The following AMOT variants were observed in gnomAD, a reference collection of about 807,000 sequenced individuals.
The protein encoded by AMOT is angiomotin.
Under a neutral mutation model 67.0 loss-of-function variants are expected in AMOT, and 11 were observed. The observed-to-expected ratio is 0.16, with a 90% CI of 0.10 to 0.27. The LOEUF (loss-of-function observed/expected upper bound fraction) is 0.27, where lower values mean the gene tolerates loss of function less well. Among genes scored for constraint, AMOT ranks in the 10% least tolerant of loss-of-function variants. The probability of loss-of-function intolerance (pLI) is 1.00; values close to 1 mark genes in which losing one functional copy is unlikely to be tolerated. For missense variants in AMOT, 753 were observed against 852.0 expected (o/e 0.88, Z 1.45); for synonymous variants, 326 against 321.4 (o/e 1.01, Z -0.15).
At chrX:112,796,189 G>A (rs1933809078) in intron 8 of AMOT, among the ~76,000 whole-genome samples, 1 of 111,861 alleles carries the variant, frequency 8.9e-6, no homozygotes, top group African/African-American at 3.3e-5. Context: ...ATTCTGTACT[G>A]TCACATTCTT....
In AMOT at chrX:112,815,480, G is replaced by A; in HGVS notation, c.1270C>T (p.Pro424Ser). 8.3e-7 allele frequency: 1 copy of A among 1,211,593 alleles called. No individual in the cohort carries two copies. Among genetic ancestry groups the A allele is most frequent in the Non-Finnish European group, 1.1e-6 (1 of 895,550 alleles). Residue 424 changes from proline to serine, a missense_variant, in exon 5 of 14, where the codon CCA (proline) becomes TCA (serine). This residue lies in a region of AMOT where 297 missense variants were observed against 284.3 expected (regional missense o/e 1.04). Coordinates refer to ENST00000371959, the MANE Select transcript of AMOT (RefSeq NM_001113490.2). Reference protein sequence around the residue: ...QPSSASYQPVPADPFAIVSRA... With the variant: ...QPSSASYQPVSADPFAIVSRA... ...GAAACAATGGCAAAAGGGTCTGCTG[G>A]CACTGGCTGATAAGAAGCAGAGGAT...
rs1933139392 is a variant in AMOT, at chrX:112,780,955, A to G, written c.2404T>C (p.Ser802Pro). 2 of 1,211,783 alleles carry G rather than the reference A, an allele frequency of 1.7e-6. No individual in the cohort carries two copies. Among genetic ancestry groups the G allele is most frequent in the Admixed American group, 2.2e-5 (1 of 46,050 alleles). ...SNAGSGLLSHSSTLTGSPIME... is the reference protein window; with the variant it reads ...SNAGSGLLSHPSTLTGSPIME... ...ATGGGGGAGCCAGTCAGGGTGGATGAGTGGGAGAGCAAGCCTGATCCAGCA... is the reference window on the plus strand; with the variant it reads ...ATGGGGGAGCCAGTCAGGGTGGATGGGTGGGAGAGCAAGCCTGATCCAGCA... The change falls in exon 12 of 14, where the codon TCA (serine) becomes CCA (proline). Residue 802 changes from serine to proline, a missense_variant. Coordinates refer to ENST00000371959, the MANE Select transcript of AMOT (RefSeq NM_001113490.2).
chrX:112,812,538 C>G (rs1934403525), intron 5 of AMOT, among the ~76,000 whole-genome samples: 1 of 111,861 alleles, frequency 8.9e-6, no homozygotes, highest in Non-Finnish European at 1.9e-5. Flanking sequence ...CAGCCACAAT[C>G]AGGCCGAAAA....
chrX:112,816,128 CCAGA>C (rs1436539365), intron 4 of AMOT, among the ~76,000 whole-genome samples: 1 of 111,760 alleles, frequency 8.9e-6, no homozygotes, highest in Non-Finnish European at 1.9e-5. Context: ...AGGGTCAGAA[CCAGA>C]CAACTTCCAT....
At chrX:112,804,914 C>T in intron 8 of AMOT, 33 bp downstream of exon 8, 5 of 1,189,497 alleles carry the variant, frequency 4.2e-6, no homozygotes, top group Non-Finnish European at 5.7e-6. Context: ...CCCTCCCACC[C>T]CCAGGCTCAT....
chrX:112,828,421 C>T (rs1395527371), intron 2 of AMOT, among the ~76,000 whole-genome samples: 3 of 104,134 alleles, frequency 2.9e-5, no homozygotes, highest in Non-Finnish European at 5.9e-5. Context: ...GGAATTAATC[C>T]ATGTAAAGTG....
At chrX:112,806,075 G>A (rs772025824) in intron 7 of AMOT, among the ~76,000 whole-genome samples, 1 of 109,799 alleles carries the variant, frequency 9.1e-6, no homozygotes, top group South Asian at 4.0e-4. Flanking sequence ...AGACCATCCT[G>A]GCCAACATGG....
intron 12 of AMOT, 115 bp from the exon 13 acceptor site, chrX:112,779,795 TAAATATTATTTAAATATTTA>T (rs1933078263): frequency 3.4e-6 from 1 of 295,851 alleles, no homozygotes; most frequent in East Asian, 5.7e-5. Flanking sequence ...TTTAAATAAG[TAAATATTATTTAAATATTTA>T]AAATATTATT....
chrX:112,830,487 G>A (rs1241034603), intron 2 of AMOT, among the ~76,000 whole-genome samples: 1 of 112,429 alleles, frequency 8.9e-6, no homozygotes, highest in African/African-American at 3.2e-5. Context: ...AATCCCAGAA[G>A]TGAAACTGAT....
intron 10 of AMOT, among the ~76,000 whole-genome samples, chrX:112,787,888 A>C (rs151025940): frequency 0.023 from 2,549 of 111,983 alleles, 72 homozygotes; most frequent in African/African-American, 0.078. Flanking sequence ...TTGCTTTCAC[A>C]TCTTCCTTTC....
At chrX:112,788,624 T>G (rs1187760802) in intron 10 of AMOT, among the ~76,000 whole-genome samples, 2 of 112,294 alleles carry the variant, frequency 1.8e-5, no homozygotes, top group African/African-American at 6.5e-5. Flanking sequence ...AGGAATCACC[T>G]AGTCCAATTC....
intron 6 of AMOT, 147 bp downstream of exon 6, chrX:112,811,102 A>G (rs939153261): frequency 3.0e-5 from 22 of 742,633 alleles, no homozygotes; most frequent in African/African-American, 1.5e-4. Flanking sequence ...GTCACAAAAA[A>G]TTAGCCTGGC....
At chrX:112,816,405 C>CA (rs201771720) in intron 4 of AMOT, among the ~76,000 whole-genome samples, 86 of 105,540 alleles carry the variant, frequency 8.1e-4, no homozygotes, top group Middle Eastern at 9.8e-3. Flanking sequence ...CATACATTCA[C>CA]AAAAAAAAAG....
chrX:112,795,248 C>CTCTGTG (rs1556198664), intron 8 of AMOT, among the ~76,000 whole-genome samples: 1 of 104,217 alleles, frequency 9.6e-6, no homozygotes, highest in African/African-American at 3.5e-5. Context: ...GTCTCTCTCT[C>CTCTGTG]TGTGTGTGTG....
Position 112,778,471 on chromosome X carries a change from C to T in AMOT, c.*96G>A, listed in dbSNP as rs1932993770. ...CCTGTTAAAAAACATCCCCTCCCCA[C>T]AACCCTTGTCCTCACCCTCAAAACA... On this transcript the variant is annotated 3_prime_UTR_variant, in exon 14 of 14. Transcript: ENST00000371959. 1.3e-5 allele frequency: 11 copies of T among 817,224 alleles called. No homozygotes were observed. The highest frequency in any genetic ancestry group is 1.7e-5 in the Non-Finnish European group (10 of 571,564). The allele number at this position is 817,224 out of a possible 1,213,427, so 67.3% of individuals were successfully genotyped here. A position where few individuals can be genotyped will look rare whatever the true frequency, so the allele number is the denominator to read the frequency against.
intron 5 of AMOT, among the ~76,000 whole-genome samples, chrX:112,813,918 C>G (rs768592157): frequency 8.9e-6 from 1 of 112,060 alleles, no homozygotes; most frequent in Admixed American, 9.4e-5. Context: ...TCAGAGCACT[C>G]CAACAACCCT....
intron 8 of AMOT, among the ~76,000 whole-genome samples, chrX:112,794,706 T>C (rs1278062438): frequency 1.8e-5 from 2 of 112,561 alleles, no homozygotes; most frequent in Non-Finnish European, 3.8e-5. Context: ...ACTTTTACCT[T>C]AGTCATGACA....
In AMOT at chrX:112,783,022, T is replaced by C. The variant is rs187160349; in HGVS notation, c.2118-360A>G. Among the ~76,000 whole-genome samples, 151 of 111,314 alleles carry C rather than the reference T, an allele frequency of 1.4e-3. 1 individual carries two copies. Among genetic ancestry groups the C allele is most frequent in the South Asian group, 5.4e-3 (14 of 2,610 alleles). ...GAATATGTATATATTGGGCCAGGCA[T>C]GGTGGCTCATGCCTGTAATCCTAAC... On this transcript the variant is annotated intron_variant, in intron 10 of 13. Coordinates refer to ENST00000371959, the MANE Select transcript of AMOT (RefSeq NM_001113490.2).
intron 4 of AMOT, among the ~76,000 whole-genome samples, chrX:112,816,088 C>T (rs983053131): frequency 2.7e-5 from 3 of 111,103 alleles, no homozygotes; most frequent in Non-Finnish European, 3.8e-5. Flanking sequence ...TTCTGTGCCT[C>T]TGCCTGACAA....
Sources: allele counts gnomAD v4.1 joint callset (sites outside exome capture counted in the v4.1 genomes callset), GRCh38; gene constraint gnomAD v4.1.1; regional missense constraint gnomAD v4.1.1; transcripts MANE v1.5; gene names NCBI Gene and HGNC (gene_info 2026-07-23, HGNC 2026-07-21).